The following RALB variants were observed in gnomAD, a reference collection of about 807,000 sequenced individuals.
RALB encodes the protein ras-related protein Ral-B.
RALB carries 16 observed loss-of-function variants against 21.3 expected under a neutral mutation model. That is an observed-to-expected ratio of 0.75 (90% confidence interval 0.51 to 1.14). The LOEUF (loss-of-function observed/expected upper bound fraction) is 1.14. RALB is among the 50% of genes most tolerant of loss of function. The pLI is 0.00. For missense variants in RALB, 161 were observed against 256.2 expected, an observed-to-expected ratio of 0.63 and a Z score of 2.54; for synonymous variants, 93 against 96.1, an observed-to-expected ratio of 0.97 and a Z score of 0.19.
At chr2:120,286,216 A>G (rs1242329190) in intron 3 of RALB, 134 bp downstream of exon 3, 22 of 694,344 alleles carry the variant, frequency 3.2e-5, no homozygotes, top group Non-Finnish European at 4.9e-5. Flanking sequence ...AATTCTGTCT[A>G]AAGAATCTTC....
intron 1 of RALB, among the ~76,000 whole-genome samples, chr2:120,247,087 C>G (rs891972802): frequency 6.6e-6 from 1 of 152,138 alleles, no homozygotes; most frequent in Non-Finnish European, 1.5e-5. Context: ...ACCTGGAGGT[C>G]GGTACCAGAT....
chr2:120,248,627 G>T (rs1213543487), upstream of RALB, among the ~76,000 whole-genome samples: 1 of 152,090 alleles, frequency 6.6e-6, no homozygotes. Context: ...AACCCTCACA[G>T]CCCAATCTCC....
At position 120,252,982 on chromosome 2, in the gene RALB, T is replaced by C; in HGVS notation, c.-48+2T>C. ...CGGAGGCGGCGGGACTGGTCCCTGG[T>C]AAGGGCGCGGCGCCCGCGGGCCCCG... is the stretch of plus-strand genomic sequence containing the variant. On this transcript the variant is annotated splice_donor_variant, in intron 1 of 4. Coordinates refer to ENST00000272519, the MANE Select transcript of RALB (RefSeq NM_002881.3). LOFTEE classifies it low-confidence loss of function (5UTR_SPLICE). 1 of 984,496 alleles carries C rather than the reference T, an allele frequency of 1.0e-6. No homozygotes were observed. Among genetic ancestry groups the C allele is most frequent in the Non-Finnish European group, 1.2e-6 (1 of 829,758 alleles). 61.0% of individuals were successfully genotyped at this position (984,496 alleles called of 1,614,324 possible).
At chr2:120,278,556 C>T (rs970752026) in intron 1 of RALB, 62 bp from the exon 2 acceptor site, 2 of 1,327,370 alleles carry the variant, frequency 1.5e-6, no homozygotes, top group Non-Finnish European at 2.0e-6. Context: ...ATGTGAATGA[C>T]ATTTGGTTTT....
chr2:120,248,032 C>T (rs1688999197), upstream of RALB, among the ~76,000 whole-genome samples: 1 of 152,078 alleles, frequency 6.6e-6, no homozygotes, highest in African/African-American at 2.4e-5. Context: ...GGAAGTGAGG[C>T]GAGAACCTCT....
intron 2 of RALB, among the ~76,000 whole-genome samples, chr2:120,282,570 G>A (rs1193371280): frequency 8.8e-6 from 1 of 113,844 alleles, no homozygotes; most frequent in Non-Finnish European, 1.7e-5. Context: ...GGGGAGGGGG[G>A]CGGGGGTGGG....
intron 1 of RALB, among the ~76,000 whole-genome samples, chr2:120,277,429 C>A (rs10192337): frequency 0.22 from 32,545 of 150,458 alleles, 5,007 homozygotes; most frequent in African/African-American, 0.45. Flanking sequence ...ATGTTAGAGC[C>A]TCTGAGCCTG....
chr2:120,261,521 G>A (rs1345653810), intron 1 of RALB, among the ~76,000 whole-genome samples: 1 of 152,194 alleles, frequency 6.6e-6, no homozygotes, highest in Non-Finnish European at 1.5e-5. Flanking sequence ...GAGTCACAGC[G>A]AGATTACTAG....
At chr2:120,258,395 G>A (rs1689250683) in intron 1 of RALB, among the ~76,000 whole-genome samples, 1 of 152,216 alleles carries the variant, frequency 6.6e-6, no homozygotes, top group African/African-American at 2.4e-5. Context: ...ACGCGTGATT[G>A]GGGGTGGGGG....
chr2:120,259,644 G>A (rs887534308), intron 1 of RALB, among the ~76,000 whole-genome samples: 3 of 152,244 alleles, frequency 2.0e-5, no homozygotes, highest in Non-Finnish European at 4.4e-5. Context: ...TAGATATAAA[G>A]ACTCTCCACG....
chr2:120,263,988 A>G (rs1198100881), intron 1 of RALB, among the ~76,000 whole-genome samples: 1 of 151,220 alleles, frequency 6.6e-6, no homozygotes, highest in Non-Finnish European at 1.5e-5. Flanking sequence ...AGCTGGGATT[A>G]CAGATGCACG....
At position 120,259,155 on chromosome 2, in the gene RALB, G is replaced by T. The variant is rs186424158; in HGVS notation, c.-48+6175G>T. Among the ~76,000 whole-genome samples, 126 of 152,336 alleles carry T rather than the reference G, an allele frequency of 8.3e-4. 1 individual carries two copies. The East Asian group carries it at 0.021, about 26-fold the overall frequency. ...GCGTGGACCCAAAGAGTGAGCAGTA[G>T]CAAGATTTATTGCAAAGAGTGAAAG... On this transcript the variant is annotated intron_variant, in intron 1 of 4. Coordinates refer to ENST00000272519, the MANE Select transcript of RALB (RefSeq NM_002881.3).
chr2:120,241,988 C>T (rs765641236), intron 1 of RALB, among the ~76,000 whole-genome samples: 8 of 152,152 alleles, frequency 5.3e-5, no homozygotes, highest in South Asian at 4.1e-4. Context: ...AACATTCTCA[C>T]GATAGGCCAG....
intron 1 of RALB, among the ~76,000 whole-genome samples, chr2:120,255,103 A>G (rs943637696): frequency 6.6e-6 from 1 of 152,204 alleles, no homozygotes; most frequent in Non-Finnish European, 1.5e-5. Context: ...CTTGAAAGCT[A>G]AATTTGGAGA....
upstream of RALB, among the ~76,000 whole-genome samples, chr2:120,249,572 TAAAC>T (rs1689022094): frequency 6.6e-6 from 1 of 152,018 alleles, no homozygotes; most frequent in Non-Finnish European, 1.5e-5. Flanking sequence ...CACGCACTCT[TAAAC>T]AACCAGACCT....
intron 4 of RALB, among the ~76,000 whole-genome samples, chr2:120,290,983 C>CTATATCCTGTCTTCTGT (rs1195230012): frequency 6.6e-6 from 1 of 152,216 alleles, no homozygotes; most frequent in African/African-American, 2.4e-5. Flanking sequence ...TCTGAATCCC[C>CTATATCCTGTCTTCTGT]TATATCCTGT....
chr2:120,285,860 G>T lies in RALB; in HGVS notation c.115-14G>T. ...TAAGACTTTGTTAATTACCGATAAT[G>T]TTTATTTCCTCAGTTTGTAGAAGAC... On this transcript the variant is annotated splice_polypyrimidine_tract_variant and intron_variant, in intron 2 of 4. Transcript: ENST00000272519. 1 of 1,606,604 alleles carries T rather than the reference G, an allele frequency of 6.2e-7. No individual in the cohort carries two copies. Among genetic ancestry groups the T allele is most frequent in the Non-Finnish European group, 8.5e-7 (1 of 1,173,468 alleles).
Position 120,252,915 on chromosome 2 carries a change from GGGGCGGGGCGCGTTTAAGAGCTGC to G in RALB, c.-108_-85del, listed in dbSNP as rs1689090667. On this transcript the variant is annotated 5_prime_UTR_variant, in exon 1 of 5. It removes the in-frame stop codon of an upstream open reading frame in the 5' UTR. Coordinates refer to ENST00000272519, the MANE Select transcript of RALB (RefSeq NM_002881.3). ...GACGGCTGGGGTCCGGCCCCGGGAGGGGGCGGGGCGCGTTTAAGAGCTGCGGGCCGGGTGCGGACGGCGGAGGCG... is the reference window on the plus strand; with the variant it reads ...GACGGCTGGGGTCCGGCCCCGGGAGGGGGCCGGGTGCGGACGGCGGAGGCG... The G allele has an allele frequency of 1.0e-6, 1 of 985,404 alleles. No individual in the cohort carries two copies. Among genetic ancestry groups the G allele is most frequent in the Non-Finnish European group, 1.2e-6 (1 of 830,092 alleles). 61.0% of individuals were successfully genotyped at this position (985,404 alleles called of 1,614,324 possible).
chr2:120,251,895 T>C (rs1304754861), upstream of RALB, among the ~76,000 whole-genome samples: 1 of 152,194 alleles, frequency 6.6e-6, no homozygotes, highest in African/African-American at 2.4e-5. Flanking sequence ...ATCTGGTAGA[T>C]ACATAGCAAT....
Sources: allele counts gnomAD v4.1 joint callset (sites outside exome capture counted in the v4.1 genomes callset), GRCh38; gene constraint gnomAD v4.1.1; transcripts MANE v1.5; gene names NCBI Gene and HGNC (gene_info 2026-07-23, HGNC 2026-07-21).